Variants in NR3C2 observed in about 807,000 individuals in gnomAD.
The protein encoded by NR3C2 is mineralocorticoid receptor.
Under a neutral mutation model 86.4 loss-of-function variants are expected in NR3C2, and 15 were observed. The ratio of observed to expected loss-of-function variants is 0.17; its 90% confidence interval spans 0.12 to 0.27. The LOEUF (loss-of-function observed/expected upper bound fraction) is 0.27, where lower values mean the gene tolerates loss of function less well. Among genes scored for constraint, NR3C2 ranks in the 10% least tolerant of loss-of-function variants. The pLI, the probability that NR3C2 is intolerant of heterozygous loss-of-function variation, is 1.00. For missense variants in NR3C2, 960 were observed against 1,195.6 expected (o/e 0.80, Z 2.91); for synonymous variants, 458 against 450.5 (o/e 1.02, Z -0.21).
intron 2 of NR3C2, among the ~76,000 whole-genome samples, chr4:148,337,718 G>A (rs1449916333): frequency 1.3e-5 from 2 of 152,124 alleles, no homozygotes; most frequent in Non-Finnish European, 2.9e-5. Flanking sequence ...TTCTATGGAT[G>A]AGTAGAAATA....
chr4:148,277,376 A>C (rs1446352093), intron 2 of NR3C2, among the ~76,000 whole-genome samples: 1 of 152,202 alleles, frequency 6.6e-6, no homozygotes, highest in Non-Finnish European at 1.5e-5. Context: ...CTCATAGGCA[A>C]TATGAAGTTA....
chr4:148,442,509 G>C (rs1033883306), upstream of NR3C2: 5 of 339,708 alleles, frequency 1.5e-5, no homozygotes, highest in African/African-American at 1.1e-4. Flanking sequence ...CAGCTGGAGG[G>C]CTGGCCCTTT....
rs1017552660 is a variant in NR3C2 at position 148,166,206 on chromosome 4, C to T, written c.2015-11305G>A. Among the ~76,000 whole-genome samples, 13 of 152,310 alleles carry T rather than the reference C, an allele frequency of 8.5e-5. 1 individual carries two copies. The highest frequency in any genetic ancestry group is 6.5e-4 in the Admixed American group (10 of 15,298). On this transcript the variant is annotated intron_variant, in intron 4 of 8. Transcript: ENST00000358102. Reference sequence around the variant, plus strand: ...CAGATAAAGCAGAGCCAAACAAAATCGCCTTTTTTGAATAAGTGATTATCT... The same window carrying T: ...CAGATAAAGCAGAGCCAAACAAAATTGCCTTTTTTGAATAAGTGATTATCT...
chr4:148,440,141 A>T (rs1469530773), intron 1 of NR3C2, among the ~76,000 whole-genome samples: 1 of 152,276 alleles, frequency 6.6e-6, no homozygotes, highest in Non-Finnish European at 1.5e-5. Context: ...ATAGTCAAAC[A>T]CAAAAGAATA....
In NR3C2 at chr4:148,109,908, T is replaced by A. The variant is rs552891656; in HGVS notation, c.2799+4196A>T. Reference sequence around the variant, plus strand: ...ACTGTTCTACACAATTACCATAACATAAATAGTCCTTGATCTCTCTAAGAA... The same window carrying A: ...ACTGTTCTACACAATTACCATAACAAAAATAGTCCTTGATCTCTCTAAGAA... On this transcript the variant is annotated intron_variant, in intron 8 of 8. Transcript: ENST00000358102. Among the ~76,000 whole-genome samples the A allele has an allele frequency of 6.0e-3, 912 of 152,336 alleles. 8 individuals carry two copies. The highest frequency in any genetic ancestry group is 0.021 in the African/African-American group (875 of 41,574).
chr4:148,420,984 ATAG>A (rs1749253923), intron 2 of NR3C2, among the ~76,000 whole-genome samples: 1 of 152,118 alleles, frequency 6.6e-6, no homozygotes, highest in Non-Finnish European at 1.5e-5. Context: ...ACCTTTCTTT[ATAG>A]ATTACCTAGT....
chr4:148,319,571 TCTC>T (rs1234541063), intron 2 of NR3C2, among the ~76,000 whole-genome samples: 1 of 148,988 alleles, frequency 6.7e-6, no homozygotes, highest in African/African-American at 2.5e-5. Flanking sequence ...GGTTTGTAGT[TCTC>T]CTTGAAGAGG....
intron 2 of NR3C2, among the ~76,000 whole-genome samples, chr4:148,360,179 C>T (rs1745768841): frequency 6.6e-6 from 1 of 152,188 alleles, no homozygotes; most frequent in Non-Finnish European, 1.5e-5. Context: ...TCTGCCCCTA[C>T]TTTATACTTT....
At chr4:148,188,348 G>A (rs1260952512) in intron 4 of NR3C2, among the ~76,000 whole-genome samples, 2 of 152,136 alleles carry the variant, frequency 1.3e-5, no homozygotes. Context: ...CCAACCATGA[G>A]CATGGGATGT....
chr4:148,258,981 T>C (rs1739959443), intron 3 of NR3C2, among the ~76,000 whole-genome samples: 1 of 152,244 alleles, frequency 6.6e-6, no homozygotes, highest in Non-Finnish European at 1.5e-5. Context: ...AAAAATCATG[T>C]AATATCAATT....
In NR3C2 at chr4:148,154,893, A is replaced by C. The variant is rs1429886318; in HGVS notation, c.2023T>G (p.Ser675Ala). The change falls in exon 5 of 9, where the codon TCA becomes GCA. Residue 675 changes from serine (S) to alanine (A), a missense_variant. Transcript: ENST00000358102. The stretch of plus-strand genomic sequence containing the variant: ...CCTTTTAACTTTCCCAACTTCTTTG[A>C]CTTTCGTGCTATAAGAAACCATAAA... ...QAGMNLGARK[S>A]KKLGKLKGIH... 1 of 1,557,448 alleles carries C rather than the reference A, an allele frequency of 6.4e-7. No individual in the cohort carries two copies. The highest frequency in any genetic ancestry group is 8.7e-7 in the Non-Finnish European group (1 of 1,150,304).
chr4:148,094,808 A>G (rs1333608437), intron 8 of NR3C2, among the ~76,000 whole-genome samples: 1 of 152,230 alleles, frequency 6.6e-6, no homozygotes, highest in African/African-American at 2.4e-5. Context: ...AAAACAGCTC[A>G]AAAGGTCCAT....
At chr4:148,404,741 T>C (rs748825960) in intron 2 of NR3C2, among the ~76,000 whole-genome samples, 3 of 152,110 alleles carry the variant, frequency 2.0e-5, no homozygotes, top group African/African-American at 7.2e-5. Context: ...AAGGAGGAAA[T>C]GTACTTAGGG....
chr4:148,221,228 C>A (rs1303111778), intron 3 of NR3C2, among the ~76,000 whole-genome samples: 2 of 152,158 alleles, frequency 1.3e-5, no homozygotes, highest in Admixed American at 1.3e-4. Flanking sequence ...AAACTGTAAG[C>A]CTTTATTACT....
intron 4 of NR3C2, among the ~76,000 whole-genome samples, chr4:148,172,510 T>C (rs748945178): frequency 2.6e-5 from 4 of 152,178 alleles, no homozygotes; most frequent in Non-Finnish European, 4.4e-5. Context: ...AAAATAATAT[T>C]ACACTAAAAC....
At chr4:148,136,115 AAAC>A (rs1733331190) in intron 6 of NR3C2, among the ~76,000 whole-genome samples, 1 of 151,298 alleles carries the variant, frequency 6.6e-6, no homozygotes, top group Non-Finnish European at 1.5e-5. Context: ...CAAAAAAAAC[AAAC>A]AAAAAAACTT....
chr4:148,132,585 T>C (rs2149744056), intron 6 of NR3C2, among the ~76,000 whole-genome samples: 1 of 152,374 alleles, frequency 6.6e-6, no homozygotes, highest in East Asian at 1.9e-4. Context: ...TTTTAAGATT[T>C]AGTAAACTAA....
At position 148,342,749 on chromosome 4, in the gene NR3C2, T is replaced by G. The variant is rs72656829; in HGVS notation, c.1758-82632A>C. 3.6e-3 allele frequency among the ~76,000 whole-genome samples: 541 copies of G among 152,254 alleles called. 2 individuals are homozygous for G. The highest frequency in any genetic ancestry group is 0.012 in the African/African-American group (479 of 41,544). ...TAGCATTAAAGAACTGTGAAAATTT[T>G]TTATCTTATTTCTAAATCTCACCAT... On this transcript the variant is annotated intron_variant, in intron 2 of 8. Transcript: ENST00000358102.
At chr4:148,108,344 C>G (rs1310372535) in intron 8 of NR3C2, among the ~76,000 whole-genome samples, 1 of 152,202 alleles carries the variant, frequency 6.6e-6, no homozygotes, top group Non-Finnish European at 1.5e-5. Flanking sequence ...CTCAAGTGAT[C>G]TGCCCACCTC....
Sources: gnomAD v4.1 joint callset for allele counts (sites outside exome capture counted in the v4.1 genomes callset) on GRCh38, gnomAD v4.1.1 for gene constraint, MANE v1.5 for transcripts, NCBI Gene and HGNC (gene_info 2026-07-23, HGNC 2026-07-21) for gene names.